LPP: variants seen among roughly 807,000 people sequenced by gnomAD.
LPP encodes the protein lipoma-preferred partner.
LPP carries 38 observed loss-of-function variants against 60.4 expected under a neutral mutation model. The observed-to-expected ratio is 0.63, with a 90% CI of 0.49 to 0.83. LPP has a LOEUF of 0.83. Ranked by LOEUF, LPP falls within the 40% of genes least tolerant of loss-of-function variation. The pLI is 0.00. For synonymous variants in LPP, 328 were observed against 290.8 expected (o/e 1.13, Z -1.30); for missense variants, 902 against 783.6 (o/e 1.15, Z -1.80).
chr3:188,286,214 C>A (rs1285069311), intron 2 of LPP, among the ~76,000 whole-genome samples: 1 of 152,292 alleles, frequency 6.6e-6, no homozygotes, highest in South Asian at 2.1e-4. Context: ...TCTGGAAACT[C>A]TCTGAGGTCT....
chr3:188,186,067 C>G (rs535000584), intron 1 of LPP, among the ~76,000 whole-genome samples: 1 of 151,898 alleles, frequency 6.6e-6, no homozygotes, highest in African/African-American at 2.4e-5. Flanking sequence ...TGGGCTTGCC[C>G]GGAGCCATAG....
chr3:188,803,045 CTTT>C (rs374563246), intron 9 of LPP, among the ~76,000 whole-genome samples: 3 of 130,418 alleles, frequency 2.3e-5, no homozygotes, highest in Admixed American at 7.9e-5. Flanking sequence ...GTTGTATATG[CTTT>C]TTTTTTTTTT....
intron 2 of LPP, among the ~76,000 whole-genome samples, chr3:188,250,831 T>A (rs1729183427): frequency 6.7e-6 from 1 of 149,726 alleles, no homozygotes; most frequent in Non-Finnish European, 1.5e-5. Context: ...TCTTTTTCTT[T>A]CTTTCTTTTC....
chr3:188,357,042 TACC>T (rs1767808559), intron 3 of LPP, among the ~76,000 whole-genome samples: 1 of 152,162 alleles, frequency 6.6e-6, no homozygotes, highest in Admixed American at 6.5e-5. Context: ...CACATGCAAC[TACC>T]ACCACCACCA....
intron 6 of LPP, among the ~76,000 whole-genome samples, chr3:188,536,497 T>G (rs1379516542): frequency 1.3e-5 from 2 of 152,212 alleles, no homozygotes; most frequent in Admixed American, 1.3e-4. Flanking sequence ...TAAATCTAAG[T>G]CATGCTTTTT....
intron 6 of LPP, among the ~76,000 whole-genome samples, chr3:188,601,528 C>G (rs1007382031): frequency 2.0e-5 from 3 of 152,078 alleles, no homozygotes; most frequent in Non-Finnish European, 2.9e-5. Context: ...GGAGTCACAC[C>G]ATTATGTCAC....
chr3:188,210,094 A>AT (rs1469219753), intron 1 of LPP, among the ~76,000 whole-genome samples: 7 of 152,096 alleles, frequency 4.6e-5, no homozygotes, highest in Non-Finnish European at 8.8e-5. Context: ...AAATCCAACC[A>AT]TAAAAAAATA....
intron 3 of LPP, among the ~76,000 whole-genome samples, chr3:188,384,554 G>A (rs1021896133): frequency 6.6e-6 from 1 of 152,086 alleles, no homozygotes; most frequent in African/African-American, 2.4e-5. Flanking sequence ...CACTTTGGGA[G>A]GCTGAGGCGG....
intron 4 of LPP, among the ~76,000 whole-genome samples, chr3:188,442,171 C>A (rs981681859): frequency 6.6e-6 from 1 of 152,078 alleles, no homozygotes; most frequent in African/African-American, 2.4e-5. Context: ...ATGTGCACAA[C>A]GTGCAGGTTT....
intron 4 of LPP, among the ~76,000 whole-genome samples, chr3:188,420,998 T>C (rs1787650756): frequency 1.3e-5 from 2 of 152,158 alleles, no homozygotes; most frequent in Non-Finnish European, 2.9e-5. Flanking sequence ...GCATGGGTTC[T>C]TTCTGCTGAA....
At chr3:188,732,902 A>G (rs932508572) in intron 8 of LPP, among the ~76,000 whole-genome samples, 2 of 152,008 alleles carry the variant, frequency 1.3e-5, no homozygotes, top group Non-Finnish European at 2.9e-5. Flanking sequence ...TAGAGTTGAG[A>G]AAGTTCTTTT....
chr3:188,222,879 G>C (rs1207257918), intron 1 of LPP, among the ~76,000 whole-genome samples: 2 of 152,016 alleles, frequency 1.3e-5, no homozygotes, highest in Non-Finnish European at 2.9e-5. Flanking sequence ...CATAATGTTT[G>C]AGGTCAGGAG....
At chr3:188,523,824 A>G (rs1242273790) in intron 5 of LPP, among the ~76,000 whole-genome samples, 2 of 152,216 alleles carry the variant, frequency 1.3e-5, no homozygotes, top group African/African-American at 4.8e-5. Context: ...ATATATGATC[A>G]TTATTAAATT....
chr3:188,517,979 C>A (rs1817864443), intron 5 of LPP, among the ~76,000 whole-genome samples: 1 of 152,150 alleles, frequency 6.6e-6, no homozygotes, highest in Non-Finnish European at 1.5e-5. Flanking sequence ...CTCGCTCTCT[C>A]TTCCGCTCTC....
rs941047589 is a variant in LPP, at chr3:188,888,525, C to T, written c.*14046C>T. 4.4e-6 allele frequency: 1 copy of T among 227,720 alleles called. No homozygotes were observed. The highest frequency in any genetic ancestry group is 2.2e-5 in the African/African-American group (1 of 45,016). The allele number at this position is 227,720 out of a possible 1,614,324, so 14.1% of individuals were successfully genotyped here. ...GCCTCTTTGCGAGACTGACTCAAAT[C>T]TGTGATCTTCTGTTCAGCATACACA... is the stretch of plus-strand genomic sequence containing the variant. On this transcript the variant is annotated 3_prime_UTR_variant, in exon 12 of 12. Transcript: ENST00000617246.
At chr3:188,821,269 A>T (rs1753890222) in intron 9 of LPP, among the ~76,000 whole-genome samples, 1 of 150,298 alleles carries the variant, frequency 6.7e-6, no homozygotes, top group Admixed American at 6.7e-5. Context: ...AATTATAGCT[A>T]AATATTTAGA....
At chr3:188,239,683 G>T (rs1723178593) in intron 2 of LPP, among the ~76,000 whole-genome samples, 1 of 152,170 alleles carries the variant, frequency 6.6e-6, no homozygotes, top group Non-Finnish European at 1.5e-5. Flanking sequence ...GTCTCCAAAA[G>T]CCATTGGCAG....
At chr3:188,295,031 C>T (rs1747388467) in intron 2 of LPP, among the ~76,000 whole-genome samples, 1 of 152,188 alleles carries the variant, frequency 6.6e-6, no homozygotes, top group Admixed American at 6.5e-5. Context: ...ATTGTCCCAC[C>T]TTCTCTGACT....
intron 2 of LPP, chr3:188,247,054 G>A (rs73059656): frequency 0.011 from 2,816 of 250,304 alleles, 68 homozygotes; most frequent in African/African-American, 0.057. Context: ...ATGTTTGTGT[G>A]GAGACCTGTG....
Sources: allele counts gnomAD v4.1 joint callset (sites outside exome capture counted in the v4.1 genomes callset), GRCh38; gene constraint gnomAD v4.1.1; transcripts MANE v1.5; gene names NCBI Gene and HGNC (gene_info 2026-07-23, HGNC 2026-07-21).